PTPRT: variants seen among roughly 807,000 people sequenced by gnomAD.
PTPRT encodes protein tyrosine phosphatase receptor type T, also known as receptor-type tyrosine-protein phosphatase T.
Under a neutral mutation model 176.8 loss-of-function variants are expected in PTPRT, and 56 were observed. The observed-to-expected ratio is 0.32, with a 90% CI of 0.26 to 0.40. The LOEUF is 0.40. PTPRT is among the 10% of genes least tolerant of loss of function. PTPRT has a pLI of 1.00. For synonymous variants in PTPRT, 783 were observed against 739.0 expected, an observed-to-expected ratio of 1.06 and a Z score of -0.96; for missense variants, 1,540 against 1,908.2, an observed-to-expected ratio of 0.81 and a Z score of 3.60.
Position 42,673,819 on chromosome 20 carries a change from G to A in PTPRT, c.1153+4047C>T, listed in dbSNP as rs561087050. Among the ~76,000 whole-genome samples the A allele has an allele frequency of 2.1e-4, 32 of 152,268 alleles. No individual in the cohort carries two copies. In the South Asian group the frequency reaches 5.2e-3, roughly 25 times the overall value. On this transcript the variant is annotated intron_variant, in intron 7 of 30. Transcript: ENST00000373187. ...TATAGCAATACTGATGCTGCTGGTC[G>A]AGGGACCACACTTTGAGAACCACCG...
chr20:43,180,369 C>CTCTCTCTCTCTCTCTCTCTCTCTCTT (rs1208040640), intron 1 of PTPRT, among the ~76,000 whole-genome samples: 22 of 151,356 alleles, frequency 1.5e-4, no homozygotes, highest in African/African-American at 2.7e-4. Flanking sequence ...CTCTCTCTCT[C>CTCTCTCTCTCTCTCTCTCTCTCTCTT]TCTGCCCCCA....
intron 1 of PTPRT, among the ~76,000 whole-genome samples, chr20:42,927,891 C>T (rs1979587606): frequency 6.6e-6 from 1 of 152,230 alleles, no homozygotes; most frequent in African/African-American, 2.4e-5. Context: ...TATTTCTCCT[C>T]ATTTTACAGA....
At chr20:42,670,625 T>G (rs987841541) in intron 7 of PTPRT, among the ~76,000 whole-genome samples, 1 of 152,158 alleles carries the variant, frequency 6.6e-6, no homozygotes, top group African/African-American at 2.4e-5. Context: ...GCCCTCCAAA[T>G]CAACAGCGTA....
chr20:42,295,075 G>GA (rs2057369294), intron 12 of PTPRT, among the ~76,000 whole-genome samples: 1 of 152,080 alleles, frequency 6.6e-6, no homozygotes, highest in Non-Finnish European at 1.5e-5. Context: ...AATAACCCAA[G>GA]AAAAATTATT....
At chr20:42,753,375 AG>A (rs1047447531) in intron 6 of PTPRT, among the ~76,000 whole-genome samples, 4 of 152,230 alleles carry the variant, frequency 2.6e-5, no homozygotes, top group Non-Finnish European at 4.4e-5. Flanking sequence ...TTTACATGCA[AG>A]GGACCAGGCT....
intron 9 of PTPRT, among the ~76,000 whole-genome samples, chr20:42,367,580 T>C (rs535990296): frequency 2.6e-5 from 4 of 152,292 alleles, no homozygotes; most frequent in Non-Finnish European, 5.9e-5. Context: ...TAGTAGATGA[T>C]AAGTTCTCTA....
intron 2 of PTPRT, among the ~76,000 whole-genome samples, chr20:42,876,209 G>C (rs1460005191): frequency 6.6e-6 from 1 of 151,924 alleles, no homozygotes; most frequent in Non-Finnish European, 1.5e-5. Flanking sequence ...AAAGAGGAAA[G>C]AAAAAAATGT....
In PTPRT at chr20:42,075,929, A is replaced by G. The variant is rs1446596153; in HGVS notation, c.*4950T>C. ...CCCATCCTTTCTCCAGCTATGTCAC[A>G]GAAGTGACCATTTTGCTAAATAAGT... On this transcript the variant is annotated 3_prime_UTR_variant, in exon 31 of 31. Coordinates refer to ENST00000373187, the MANE Select transcript of PTPRT (RefSeq NM_007050.6). The G allele has an allele frequency of 4.7e-6, 1 of 215,016 alleles. No homozygotes were observed. Among genetic ancestry groups the G allele is most frequent in the East Asian group, 6.9e-5 (1 of 14,564 alleles). The allele number at this position is 215,016 out of a possible 1,614,324, so 13.3% of individuals were successfully genotyped here. A position where few individuals can be genotyped will look rare whatever the true frequency, so the allele number is the denominator to read the frequency against.
chr20:43,186,924 G>C (rs1257240902), intron 1 of PTPRT, among the ~76,000 whole-genome samples: 3 of 152,200 alleles, frequency 2.0e-5, no homozygotes, highest in Non-Finnish European at 4.4e-5. Context: ...AAACCCACTA[G>C]TAAATGAATT....
intron 12 of PTPRT, among the ~76,000 whole-genome samples, chr20:42,310,057 G>C (rs761084625): frequency 6.6e-6 from 1 of 152,134 alleles, no homozygotes; most frequent in Non-Finnish European, 1.5e-5. Flanking sequence ...TCTGCAAACA[G>C]TGAAGAAAAG....
At chr20:43,089,066 T>G (rs1247371088) in intron 1 of PTPRT, among the ~76,000 whole-genome samples, 1 of 152,196 alleles carries the variant, frequency 6.6e-6, no homozygotes, top group African/African-American at 2.4e-5. Flanking sequence ...CTGTTATTAA[T>G]TGAAAGCTTA....
At chr20:42,491,426 C>T (rs865820377) in intron 7 of PTPRT, among the ~76,000 whole-genome samples, 44 of 152,084 alleles carry the variant, frequency 2.9e-4, no homozygotes, top group African/African-American at 1.0e-3. Context: ...TGGAATTTTC[C>T]ATGTACTATC....
chr20:42,298,874 A>T (rs527947059), intron 12 of PTPRT, among the ~76,000 whole-genome samples: 4 of 152,210 alleles, frequency 2.6e-5, no homozygotes, highest in African/African-American at 9.6e-5. Context: ...TTGAGCCAAG[A>T]TCATGCCACT....
chr20:42,629,090 G>C lies in PTPRT; in HGVS notation c.1153+48776C>G, dbSNP rs143502313. Among the ~76,000 whole-genome samples the C allele has an allele frequency of 7.9e-5, 12 of 152,156 alleles. No individual in the cohort carries two copies. The East Asian group carries it at 2.3e-3, about 29-fold the overall frequency. The stretch of plus-strand genomic sequence containing the variant: ...CACCTAGGGTGAGATGGCCAGGCTA[G>C]ATTTATGGTAAGAGGAACAGATCTG... On this transcript the variant is annotated intron_variant, in intron 7 of 30. Transcript: ENST00000373187.
chr20:42,861,212 G>C (rs1286154572), intron 2 of PTPRT, among the ~76,000 whole-genome samples: 1 of 152,116 alleles, frequency 6.6e-6, no homozygotes, highest in Non-Finnish European at 1.5e-5. Context: ...TTGCCCTTCA[G>C]ACCCAGGGTG....
intron 12 of PTPRT, among the ~76,000 whole-genome samples, chr20:42,304,746 A>C (rs146457777): frequency 9.3e-4 from 141 of 152,344 alleles, no homozygotes; most frequent in African/African-American, 3.2e-3. Context: ...CTCAGATTTC[A>C]TAGGATTGAT....
intron 9 of PTPRT, among the ~76,000 whole-genome samples, chr20:42,445,592 C>T (rs1206359692): frequency 6.6e-6 from 1 of 152,202 alleles, no homozygotes; most frequent in Non-Finnish European, 1.5e-5. Flanking sequence ...GTCTTTACAG[C>T]ATCCCTCAAT....
At chr20:42,960,771 C>T (rs548368233) in intron 1 of PTPRT, among the ~76,000 whole-genome samples, 3 of 152,166 alleles carry the variant, frequency 2.0e-5, no homozygotes, top group South Asian at 4.1e-4. Flanking sequence ...AGTGATACAA[C>T]GATGTCATAA....
intron 14 of PTPRT, among the ~76,000 whole-genome samples, chr20:42,246,204 G>A (rs370638536): frequency 3.8e-4 from 58 of 152,138 alleles, no homozygotes; most frequent in East Asian, 2.3e-3. Context: ...ACAGAATTTC[G>A]CTTTCCTTTG....
Sources: allele counts gnomAD v4.1 joint callset (sites outside exome capture counted in the v4.1 genomes callset), GRCh38; gene constraint gnomAD v4.1.1; transcripts MANE v1.5; gene names NCBI Gene and HGNC (gene_info 2026-07-23, HGNC 2026-07-21).